CDH7: variants seen among roughly 807,000 people sequenced by gnomAD.
CDH7 encodes cadherin-7.
Under a neutral mutation model 71.8 loss-of-function variants are expected in CDH7, and 25 were observed. The ratio of observed to expected loss-of-function variants is 0.35; its 90% CI spans 0.25 to 0.49. The LOEUF (loss-of-function observed/expected upper bound fraction) is 0.49, where lower values mean the gene tolerates loss of function less well. Among genes scored for constraint, CDH7 ranks in the 20% least tolerant of loss-of-function variants. The probability of loss-of-function intolerance (pLI) is 0.99; values close to 1 mark genes in which losing one functional copy is unlikely to be tolerated. For synonymous variants in CDH7, 381 were observed against 363.8 expected, an observed-to-expected ratio of 1.05 and a Z score of -0.54; for missense variants, 862 against 974.6, an observed-to-expected ratio of 0.88 and a Z score of 1.54.
At chr18:65,820,411 C>G (rs986149729) in intron 4 of CDH7, among the ~76,000 whole-genome samples, 2 of 151,940 alleles carry the variant, frequency 1.3e-5, no homozygotes, top group Non-Finnish European at 2.9e-5. Context: ...ACAATTTTCT[C>G]TGTGTGTGTG....
intron 7 of CDH7, among the ~76,000 whole-genome samples, chr18:65,853,783 TA>T (rs964298163): frequency 2.6e-5 from 4 of 150,992 alleles, no homozygotes; most frequent in African/African-American, 7.3e-5. Context: ...TTCGTTGCAA[TA>T]AAAAAAGTTT....
At chr18:65,767,688 T>C (rs1407085957) in intron 2 of CDH7, among the ~76,000 whole-genome samples, 2 of 152,220 alleles carry the variant, frequency 1.3e-5, no homozygotes, top group Non-Finnish European at 1.5e-5. Flanking sequence ...CTCTGTCAGT[T>C]TGCTGATAGA....
chr18:65,774,760 A>G (rs931843851), intron 2 of CDH7, among the ~76,000 whole-genome samples: 1 of 152,090 alleles, frequency 6.6e-6, no homozygotes, highest in African/African-American at 2.4e-5. Flanking sequence ...AATGATGGTT[A>G]TACCCCCCTG....
rs1246864125 is a variant in CDH7, at chr18:65,866,071, G to A, written c.1864+3154G>A. ...TCCCAGCACTTTGGGAGGCCGAGGC[G>A]GGCGGATCACGAGGTCAGGAGATCG... On this transcript the variant is annotated intron_variant, in intron 11 of 11. Coordinates refer to ENST00000397968, the MANE Select transcript of CDH7 (RefSeq NM_004361.5). The A allele has an allele frequency of 1.8e-3, 16 of 8,912 alleles. 4 individuals are homozygous for A. Among genetic ancestry groups the A allele is most frequent in the African/African-American group, 5.2e-3 (16 of 3,052 alleles). The allele number at this position is 8,912 out of a possible 1,614,324, so 0.6% of individuals were successfully genotyped here.
intron 1 of CDH7, among the ~76,000 whole-genome samples, chr18:65,751,653 C>T (rs1915882712): frequency 6.6e-6 from 1 of 152,204 alleles, no homozygotes; most frequent in African/African-American, 2.4e-5. Context: ...TTTTACCTTT[C>T]GTGAAGGTGG....
intron 11 of CDH7, 79 bp downstream of exon 11, chr18:65,862,996 A>G (rs542186236): frequency 1.4e-6 from 2 of 1,455,086 alleles, no homozygotes; most frequent in Non-Finnish European, 1.9e-6. Flanking sequence ...TATCTTCTCC[A>G]TTTGGTGAAC....
In CDH7 at chr18:65,888,925, A is replaced by G. The variant is rs1914441617; in HGVS notation, c.*8031A>G. ...GAAACTCTAATAATTGGACTTTCCA[A>G]TCTTAATTATGCTTTAGTTCCCTTA... On this transcript the variant is annotated 3_prime_UTR_variant, in exon 12 of 12. Coordinates refer to ENST00000397968, the MANE Select transcript of CDH7 (RefSeq NM_004361.5). 6.6e-6 allele frequency: 1 copy of G among 152,214 alleles called. No homozygotes were observed. Among genetic ancestry groups the G allele is most frequent in the Admixed American group, 6.5e-5 (1 of 15,280 alleles). 9.4% of individuals were successfully genotyped at this position (152,214 alleles called of 1,614,324 possible).
At chr18:65,850,892 A>G in intron 7 of CDH7, among the ~76,000 whole-genome samples, 1 of 150,916 alleles carries the variant, frequency 6.6e-6, no homozygotes. Flanking sequence ...GCTCACTGCA[A>G]CTTCCGCCTT....
intron 2 of CDH7, among the ~76,000 whole-genome samples, chr18:65,784,422 G>A (rs1331410542): frequency 1.1e-4 from 17 of 152,140 alleles, no homozygotes; most frequent in Admixed American, 1.1e-3. Flanking sequence ...GCTTGAGGAA[G>A]TAGAAAAGGC....
At chr18:65,786,847 C>G (rs1191328872) in intron 2 of CDH7, among the ~76,000 whole-genome samples, 2 of 152,072 alleles carry the variant, frequency 1.3e-5, no homozygotes, top group Non-Finnish European at 2.9e-5. Flanking sequence ...CTATGCACAG[C>G]TAATTAATCA....
intron 2 of CDH7, among the ~76,000 whole-genome samples, chr18:65,794,415 C>T (rs1276277646): frequency 2.0e-5 from 3 of 152,078 alleles, no homozygotes; most frequent in South Asian, 4.2e-4. Flanking sequence ...GTCTTTTCTA[C>T]TATACAAAGT....
At chr18:65,799,569 G>A (rs138673593) in intron 2 of CDH7, among the ~76,000 whole-genome samples, 2 of 151,990 alleles carry the variant, frequency 1.3e-5, no homozygotes, top group Admixed American at 6.6e-5. Flanking sequence ...CCAGCTACTC[G>A]GGAGGCTGAG....
chr18:65,856,897 T>C (rs1913376549), intron 7 of CDH7, among the ~76,000 whole-genome samples: 2 of 151,620 alleles, frequency 1.3e-5, no homozygotes, highest in African/African-American at 4.9e-5. Context: ...GCTGAAAAAA[T>C]GTTTGGATTA....
At chr18:65,817,471 A>T (rs1001694609) in intron 4 of CDH7, among the ~76,000 whole-genome samples, 1 of 152,046 alleles carries the variant, frequency 6.6e-6, no homozygotes, top group Non-Finnish European at 1.5e-5. Flanking sequence ...TTACTACTTC[A>T]CTGTTGTTGG....
At chr18:65,805,699 A>G (rs1412750163) in intron 2 of CDH7, among the ~76,000 whole-genome samples, 3 of 152,238 alleles carry the variant, frequency 2.0e-5, no homozygotes, top group Admixed American at 6.5e-5. Flanking sequence ...GCTCCGGGCC[A>G]TGCCCAGGGG....
At chr18:65,868,673 T>C (rs548462148) in intron 11 of CDH7, among the ~76,000 whole-genome samples, 6 of 152,316 alleles carry the variant, frequency 3.9e-5, no homozygotes, top group African/African-American at 1.2e-4. Flanking sequence ...TTAGAAAACA[T>C]GTTTAGAAGA....
intron 2 of CDH7, among the ~76,000 whole-genome samples, chr18:65,765,566 C>G (rs1409044243): frequency 6.6e-6 from 1 of 150,952 alleles, no homozygotes; most frequent in Non-Finnish European, 1.5e-5. Flanking sequence ...AATGGCTGGG[C>G]AGATAATCAT....
intron 6 of CDH7, among the ~76,000 whole-genome samples, chr18:65,839,141 G>A (rs1197543582): frequency 3.9e-5 from 6 of 152,084 alleles, no homozygotes; most frequent in Non-Finnish European, 8.8e-5. Flanking sequence ...CTTTAAACAT[G>A]GGCTTTTTGG....
At position 65,831,004 on chromosome 18, in the gene CDH7, T is replaced by A. The variant is rs1188095782; in HGVS notation, c.981+6173T>A. Among the ~76,000 whole-genome samples, 3 of 152,208 alleles carry A rather than the reference T, an allele frequency of 2.0e-5. No individual in the cohort carries two copies. The East Asian group carries it at 5.8e-4, about 29-fold the overall frequency. Reference sequence around the variant, plus strand: ...CTGTTTAAAACTCAAAACTATATATTTTTATTATTCCAGCTAGTCTTAAAA... The same window carrying A: ...CTGTTTAAAACTCAAAACTATATATATTTATTATTCCAGCTAGTCTTAAAA... On this transcript the variant is annotated intron_variant, in intron 6 of 11. Transcript: ENST00000397968.
Sources: allele counts gnomAD v4.1 joint callset (sites outside exome capture counted in the v4.1 genomes callset), GRCh38; gene constraint gnomAD v4.1.1; transcripts MANE v1.5; gene names NCBI Gene and HGNC (gene_info 2026-07-23, HGNC 2026-07-21).